The following MVB12B variants were observed in gnomAD, a reference collection of about 807,000 sequenced individuals.
MVB12B encodes ESCRT-I complex subunit MVB12B.
A neutral mutation model predicts 41.6 loss-of-function variants in MVB12B; 16 were observed. The observed-to-expected ratio is 0.38, with a 90% CI of 0.26 to 0.58. MVB12B has a LOEUF of 0.58. Ranked by LOEUF, MVB12B falls within the 20% of genes least tolerant of loss-of-function variation. The probability of loss-of-function intolerance (pLI) is 0.62; values close to 1 mark genes in which losing one functional copy is unlikely to be tolerated. For missense variants in MVB12B, 274 were observed against 380.2 expected, an observed-to-expected ratio of 0.72 and a Z score of 2.32; for synonymous variants, 133 against 139.7, an observed-to-expected ratio of 0.95 and a Z score of 0.34.
At chr9:126,489,113 T>C (rs1054975922) in intron 9 of MVB12B, among the ~76,000 whole-genome samples, 6 of 152,120 alleles carry the variant, frequency 3.9e-5, no homozygotes, top group Admixed American at 6.5e-5. Context: ...GAGCATGCGC[T>C]CCTGGGCCCG....
chr9:126,327,847 A>C (rs1829027254), intron 1 of MVB12B, among the ~76,000 whole-genome samples: 1 of 152,192 alleles, frequency 6.6e-6, no homozygotes, highest in East Asian at 1.9e-4. Context: ...CAGGAGGGCA[A>C]AAGGCAAATG....
intron 4 of MVB12B, among the ~76,000 whole-genome samples, chr9:126,390,384 C>T (rs1165202986): frequency 6.6e-6 from 1 of 152,164 alleles, no homozygotes; most frequent in Non-Finnish European, 1.5e-5. Context: ...GTCACAGTGC[C>T]AGGAAATGTT....
chr9:126,456,813 T>C (rs942980799), intron 7 of MVB12B, among the ~76,000 whole-genome samples: 2 of 152,204 alleles, frequency 1.3e-5, no homozygotes, highest in African/African-American at 4.8e-5. Context: ...GATCTAGTAA[T>C]TACTTCACCA....
At chr9:126,498,353 G>A (rs568932081) in intron 9 of MVB12B, among the ~76,000 whole-genome samples, 13 of 152,106 alleles carry the variant, frequency 8.5e-5, no homozygotes, top group East Asian at 3.9e-4. Flanking sequence ...AGGCCCATCC[G>A]CCTGCCCAAG....
intron 6 of MVB12B, among the ~76,000 whole-genome samples, chr9:126,398,279 C>T (rs1831174688): frequency 6.6e-6 from 1 of 151,794 alleles, no homozygotes; most frequent in African/African-American, 2.4e-5. Context: ...TCCCCAGCGC[C>T]TACCTGAATC....
chr9:126,343,041 A>G (rs1177018857), intron 2 of MVB12B, among the ~76,000 whole-genome samples: 1 of 152,210 alleles, frequency 6.6e-6, no homozygotes, highest in Non-Finnish European at 1.5e-5. Context: ...CCTGAGTAGC[A>G]CAACTGCTTT....
At position 126,487,180 on chromosome 9, in the gene MVB12B, G is replaced by T. The variant is rs190140492; in HGVS notation, c.873+3148G>T. Among the ~76,000 whole-genome samples, 7 of 152,280 alleles carry T rather than the reference G, an allele frequency of 4.6e-5. No homozygotes were observed. The South Asian group carries it at 1.2e-3, about 27-fold the overall frequency. On this transcript the variant is annotated intron_variant, in intron 9 of 9. Coordinates refer to ENST00000361171, the MANE Select transcript of MVB12B (RefSeq NM_033446.3). ...TGAGCCAACATTTCTTTTTCTGCAC[G>T]ATCAGGATAGTAATAATAGTGCTTA...
intron 2 of MVB12B, among the ~76,000 whole-genome samples, chr9:126,346,703 A>G (rs957279868): frequency 6.6e-6 from 1 of 152,168 alleles, no homozygotes; most frequent in African/African-American, 2.4e-5. Context: ...GTGGAGGGTC[A>G]CTGGTTAAGG....
At chr9:126,451,728 G>C (rs1014373172) in intron 7 of MVB12B, among the ~76,000 whole-genome samples, 2 of 152,158 alleles carry the variant, frequency 1.3e-5, no homozygotes, top group African/African-American at 4.8e-5. Context: ...AGGGTCCTGG[G>C]TGGGTGCCCG....
chr9:126,454,221 A>C (rs940980831), intron 7 of MVB12B, among the ~76,000 whole-genome samples: 2 of 152,184 alleles, frequency 1.3e-5, no homozygotes, highest in African/African-American at 4.8e-5. Context: ...GTGAAAGGAG[A>C]AGTTTGGCTG....
At chr9:126,341,875 C>T (rs560607947) in intron 2 of MVB12B, among the ~76,000 whole-genome samples, 1 of 152,284 alleles carries the variant, frequency 6.6e-6, no homozygotes, top group South Asian at 2.1e-4. Context: ...CAGATCTGTA[C>T]TGAGTCAGCC....
At chr9:126,385,463 G>A (rs886193356) in intron 3 of MVB12B, among the ~76,000 whole-genome samples, 2 of 152,190 alleles carry the variant, frequency 1.3e-5, no homozygotes, top group Admixed American at 1.3e-4. Context: ...TGGCTCCCAT[G>A]TGCAGAGATG....
Position 126,498,676 on chromosome 9 carries a change from C to A in MVB12B, c.874-4501C>A, listed in dbSNP as rs573998105. 3.9e-5 allele frequency among the ~76,000 whole-genome samples: 6 copies of A among 152,376 alleles called. No homozygotes were observed. The East Asian group carries it at 5.8e-4, about 15-fold the overall frequency. Reference sequence around the variant, plus strand: ...CTCGTCCAGCATTGCCCAGCTCACTCTGGGACCTCAGGAAGTCAGATCCTT... The same window carrying A: ...CTCGTCCAGCATTGCCCAGCTCACTATGGGACCTCAGGAAGTCAGATCCTT... On this transcript the variant is annotated intron_variant, in intron 9 of 9. Transcript: ENST00000361171.
chr9:126,407,000 A>G (rs1363888583), intron 6 of MVB12B, among the ~76,000 whole-genome samples: 1 of 152,242 alleles, frequency 6.6e-6, no homozygotes, highest in Non-Finnish European at 1.5e-5. Flanking sequence ...GAGATTAAGC[A>G]TTCATCCTGA....
chr9:126,400,057 C>A (rs1831226730), intron 6 of MVB12B, among the ~76,000 whole-genome samples: 1 of 152,228 alleles, frequency 6.6e-6, no homozygotes, highest in South Asian at 2.1e-4. Context: ...GTGTGCACAG[C>A]GGGAGGCCCT....
chr9:126,447,549 T>A (rs531227255), intron 7 of MVB12B, among the ~76,000 whole-genome samples: 2 of 152,200 alleles, frequency 1.3e-5, no homozygotes, highest in Non-Finnish European at 2.9e-5. Flanking sequence ...ATATGACCTC[T>A]ATAATTTTTT....
At chr9:126,452,636 A>G (rs2119162585) in intron 7 of MVB12B, among the ~76,000 whole-genome samples, 1 of 152,298 alleles carries the variant, frequency 6.6e-6, no homozygotes, top group Non-Finnish European at 1.5e-5. Context: ...AAAGTGTGTG[A>G]ACCCGGCAGA....
At chr9:126,461,718 C>T (rs1229958677) in intron 7 of MVB12B, among the ~76,000 whole-genome samples, 2 of 152,050 alleles carry the variant, frequency 1.3e-5, no homozygotes. Context: ...AGCCGTAAAC[C>T]GAGAAAGGGA....
intron 7 of MVB12B, among the ~76,000 whole-genome samples, chr9:126,432,771 G>T (rs573869397): frequency 1.3e-5 from 2 of 152,266 alleles, no homozygotes; most frequent in East Asian, 1.9e-4. Context: ...CATTGAGCTC[G>T]AAACCACGGT....
Sources: allele counts gnomAD v4.1 joint callset (sites outside exome capture counted in the v4.1 genomes callset), GRCh38; gene constraint gnomAD v4.1.1; transcripts MANE v1.5; gene names NCBI Gene and HGNC (gene_info 2026-07-23, HGNC 2026-07-21).